POU6F2: variants seen among roughly 807,000 people sequenced by gnomAD.
POU6F2 encodes the protein POU domain, class 6, transcription factor 2.
Under a neutral mutation model 71.3 loss-of-function variants are expected in POU6F2, and 31 were observed. The observed-to-expected ratio is 0.43, with a 90% CI of 0.33 to 0.59. POU6F2 has a LOEUF of 0.59. POU6F2 is among the 20% of genes least tolerant of loss of function. The pLI is 0.04. For missense variants in POU6F2, 783 were observed against 856.8 expected (o/e 0.91, Z 1.07); for synonymous variants, 347 against 355.7 (o/e 0.98, Z 0.27).
intron 5 of POU6F2, among the ~76,000 whole-genome samples, chr7:39,368,146 T>G (rs1378100703): frequency 6.6e-6 from 1 of 152,180 alleles, no homozygotes; most frequent in Non-Finnish European, 1.5e-5. Flanking sequence ...TGACTAAGTT[T>G]GGTGGGAAAG....
intron 5 of POU6F2, among the ~76,000 whole-genome samples, chr7:39,362,180 C>T (rs1786402200): frequency 6.6e-6 from 1 of 151,850 alleles, no homozygotes; most frequent in African/African-American, 2.4e-5. Flanking sequence ...CAAAAAGCAT[C>T]TACTAAAATA....
At chr7:39,277,916 G>A (rs1784481170) in intron 4 of POU6F2, among the ~76,000 whole-genome samples, 1 of 152,078 alleles carries the variant, frequency 6.6e-6, no homozygotes, top group Admixed American at 6.5e-5. Flanking sequence ...AATTACCTGG[G>A]TGTGGTGGCA....
At position 39,464,661 on chromosome 7, in the gene POU6F2, C is replaced by A. The variant is rs754974850; in HGVS notation, c.2138C>A (p.Thr713Lys). The A allele has an allele frequency of 6.2e-7, 1 of 1,605,972 alleles. No homozygotes were observed. Among genetic ancestry groups the A allele is most frequent in the Admixed American group, 1.7e-5 (1 of 59,180 alleles). ...PATAVPLEPL[T>K]DSLEENS ...ACGGCAGTCCCTTTGGAGCCCTTAA[C>A]AGACTCTCTGGAAGAAAACTCCTAA... The change falls in exon 10 of 10, where the codon ACA becomes AAA. Residue 713 changes from threonine to lysine, a missense_variant. Thr to Lys is a moderately conservative substitution (Grantham distance 78, BLOSUM62 -1). This residue lies in a region of POU6F2 where 211 missense variants were observed against 283.9 expected (regional missense o/e 0.74). Coordinates refer to ENST00000518318, the MANE Select transcript of POU6F2 (RefSeq NM_001370959.1). The surrounding 1 kb of genome is among the most constrained non-coding windows in gnomAD (Gnocchi z 4.1).
In POU6F2 at chr7:39,460,497, C is replaced by T. The variant is rs1182469150; in HGVS notation, c.1490-50C>T. 4.4e-6 allele frequency: 7 copies of T among 1,585,248 alleles called. No homozygotes were observed. In the African/African-American group the frequency reaches 9.4e-5, roughly 21 times the overall value. On this transcript the variant is annotated intron_variant, in intron 8 of 9. Coordinates refer to ENST00000518318, the MANE Select transcript of POU6F2 (RefSeq NM_001370959.1). This position sits in a 1 kb window ranked among gnomAD's most constrained non-coding sequence, Gnocchi z 4.4. ...TATAAACCGTAATAAACAGATATTG[C>T]TCGGCTGTGTGTTGACGTATTGATC...
At chr7:39,215,661 C>T (rs1277052876) in intron 4 of POU6F2, among the ~76,000 whole-genome samples, 1 of 152,116 alleles carries the variant, frequency 6.6e-6, no homozygotes. Context: ...CACATATACG[C>T]TACTGGGGGA....
intron 1 of POU6F2, among the ~76,000 whole-genome samples, chr7:38,992,113 G>A (rs1304352262): frequency 6.6e-6 from 1 of 152,124 alleles, no homozygotes; most frequent in Non-Finnish European, 1.5e-5. Flanking sequence ...CTGGCCTGTA[G>A]CGGGAGCTCA....
chr7:39,322,466 G>A (rs950647551), intron 4 of POU6F2, among the ~76,000 whole-genome samples: 1 of 152,164 alleles, frequency 6.6e-6, no homozygotes, highest in Non-Finnish European at 1.5e-5. Context: ...TGGTTAGGAT[G>A]ACATTTTTCG....
chr7:39,074,481 C>A (rs911932472), intron 1 of POU6F2, among the ~76,000 whole-genome samples: 4 of 150,746 alleles, frequency 2.7e-5, no homozygotes, highest in East Asian at 1.9e-4. Context: ...CTTGTCCCCC[C>A]CTCAAAAAAA....
chr7:39,179,730 G>C (rs1793402508), intron 2 of POU6F2, among the ~76,000 whole-genome samples: 1 of 152,210 alleles, frequency 6.6e-6, no homozygotes, highest in African/African-American at 2.4e-5. Flanking sequence ...ATATTAGCAA[G>C]AGTGACAAAT....
chr7:39,409,175 A>G (rs960687793), intron 6 of POU6F2, among the ~76,000 whole-genome samples: 1 of 152,238 alleles, frequency 6.6e-6, no homozygotes, highest in Non-Finnish European at 1.5e-5. Context: ...CAGAAAAGGT[A>G]CAAAGAGAAA....
chr7:39,000,871 T>C (rs541407894), intron 1 of POU6F2, among the ~76,000 whole-genome samples: 20 of 152,274 alleles, frequency 1.3e-4, no homozygotes, highest in African/African-American at 4.8e-4. Flanking sequence ...CCCAACACCT[T>C]GGTCCTTGGC....
chr7:39,164,835 G>A (rs13310990), intron 2 of POU6F2, among the ~76,000 whole-genome samples: 1 of 152,054 alleles, frequency 6.6e-6, no homozygotes, highest in South Asian at 2.1e-4. Flanking sequence ...TTTACGGCAG[G>A]CTTTACAAGG....
intron 2 of POU6F2, among the ~76,000 whole-genome samples, chr7:39,200,861 G>A (rs10275601): frequency 0.028 from 2,787 of 100,470 alleles, 85 homozygotes; most frequent in African/African-American, 0.083. Context: ...AAGAAAAAAA[G>A]AAAAAAAAAG....
intron 2 of POU6F2, among the ~76,000 whole-genome samples, chr7:39,134,703 A>T (rs1321797029): frequency 1.3e-5 from 2 of 152,204 alleles, no homozygotes; most frequent in East Asian, 3.8e-4. Context: ...TGCAAGCTCC[A>T]GGCAGGCTTA....
intron 5 of POU6F2, among the ~76,000 whole-genome samples, chr7:39,386,958 G>A (rs541792490): frequency 6.6e-6 from 1 of 152,298 alleles, no homozygotes; most frequent in Non-Finnish European, 1.5e-5. Context: ...CCTGAAAGTG[G>A]GGCAGAAACA....
chr7:39,154,891 G>A (rs918408650), intron 2 of POU6F2, among the ~76,000 whole-genome samples: 3 of 152,078 alleles, frequency 2.0e-5, no homozygotes, highest in Non-Finnish European at 2.9e-5. Context: ...CCCATGGCCC[G>A]GAAATAGTAA....
intron 2 of POU6F2, among the ~76,000 whole-genome samples, chr7:39,126,019 C>G (rs1483113817): frequency 1.3e-5 from 2 of 152,208 alleles, no homozygotes; most frequent in Non-Finnish European, 2.9e-5. Context: ...AAATGGGATC[C>G]ATTGCCACCG....
chr7:39,379,686 T>C (rs771171919), intron 5 of POU6F2, among the ~76,000 whole-genome samples: 1 of 151,878 alleles, frequency 6.6e-6, no homozygotes, highest in Non-Finnish European at 1.5e-5. Flanking sequence ...TCCTTTTTTC[T>C]TTTAAAAAAA....
At chr7:39,123,371 A>C (rs1250997750) in intron 2 of POU6F2, among the ~76,000 whole-genome samples, 1 of 152,222 alleles carries the variant, frequency 6.6e-6, no homozygotes, top group East Asian at 1.9e-4. Flanking sequence ...AAACACAGAC[A>C]GGAGTTAATA....
Sources: gnomAD v4.1 joint callset for allele counts (sites outside exome capture counted in the v4.1 genomes callset) on GRCh38, gnomAD v4.1.1 for gene constraint, gnomAD v4.1.1 regional missense constraint, Gnocchi (gnomAD v3.1) non-coding constraint, MANE v1.5 for transcripts, NCBI Gene and HGNC (gene_info 2026-07-23, HGNC 2026-07-21) for gene names.